The following PGAP1 variants were observed in gnomAD, a reference collection of about 807,000 sequenced individuals.
PGAP1 encodes GPI inositol-deacylase.
Under a neutral mutation model 127.0 loss-of-function variants are expected in PGAP1, and 76 were observed. The observed-to-expected ratio is 0.60, with a 90% CI of 0.50 to 0.72. PGAP1 has a LOEUF of 0.72. Among genes scored for constraint, PGAP1 ranks in the 30% least tolerant of loss-of-function variants. The probability of loss-of-function intolerance (pLI) is 0.00; values close to 1 mark genes in which losing one functional copy is unlikely to be tolerated. For missense variants in PGAP1, 982 were observed against 1,071.3 expected, an observed-to-expected ratio of 0.92 and a Z score of 1.16; for synonymous variants, 362 against 366.5, an observed-to-expected ratio of 0.99 and a Z score of 0.14.
intron 13 of PGAP1, 42 bp downstream of exon 13, chr2:196,880,034 G>T: frequency 7.2e-7 from 1 of 1,396,328 alleles, no homozygotes; most frequent in Non-Finnish European, 1.0e-6. Flanking sequence ...TTTAGCATGT[G>T]TCTCCAAAAC....
At chr2:196,916,906 A>T (rs1703027928) in intron 2 of PGAP1, among the ~76,000 whole-genome samples, 1 of 152,208 alleles carries the variant, frequency 6.6e-6, no homozygotes, top group African/African-American at 2.4e-5. Context: ...GAAGAATAAG[A>T]CATATAAATT....
In PGAP1 at chr2:196,846,021, G is replaced by A; in HGVS notation, c.2151-4C>T. 2.6e-6 allele frequency: 4 copies of A among 1,536,416 alleles called. No individual in the cohort carries two copies. The highest frequency in any genetic ancestry group is 1.8e-6 in the Non-Finnish European group (2 of 1,129,588). On this transcript the variant is annotated splice_polypyrimidine_tract_variant and splice_region_variant and intron_variant, in intron 22 of 26. Coordinates refer to ENST00000354764, the MANE Select transcript of PGAP1 (RefSeq NM_024989.4). ...ATCTTTAGGAAGTTCAGAGGGTCTG[G>A]AATTATAAGAATAAAGTTTAAAATA...
chr2:196,866,490 G>A (rs542288714), intron 19 of PGAP1, among the ~76,000 whole-genome samples: 19 of 152,012 alleles, frequency 1.2e-4, no homozygotes, highest in African/African-American at 3.6e-4. Context: ...ATTAAAGACC[G>A]AAAGTAAGAC....
chr2:196,889,681 C>A (rs1232864417), intron 10 of PGAP1, among the ~76,000 whole-genome samples: 2 of 86,014 alleles, frequency 2.3e-5, no homozygotes, highest in African/African-American at 4.5e-5. Flanking sequence ...ACGGTGAAAC[C>A]CTGTCTCTAC....
chr2:196,904,714 G>A (rs553363520), intron 4 of PGAP1, among the ~76,000 whole-genome samples: 64 of 152,034 alleles, frequency 4.2e-4, no homozygotes, highest in South Asian at 1.7e-3. Context: ...GCAACAGAGC[G>A]TGACTGTCTC....
intron 10 of PGAP1, among the ~76,000 whole-genome samples, chr2:196,889,215 T>C (rs1274312125): frequency 6.6e-6 from 1 of 152,176 alleles, no homozygotes; most frequent in Non-Finnish European, 1.5e-5. Context: ...TGAGAAAAGA[T>C]ACTTTAAGCT....
intron 20 of PGAP1, among the ~76,000 whole-genome samples, chr2:196,856,587 A>C (rs543722790): frequency 1.2e-3 from 178 of 152,324 alleles, no homozygotes; most frequent in African/African-American, 3.9e-3. Flanking sequence ...CATTTTAAGA[A>C]ATAAGCCTCA....
chr2:196,885,735 C>T, intron 11 of PGAP1, 99 bp downstream of exon 11: 2 of 726,502 alleles, frequency 2.8e-6, no homozygotes, highest in Non-Finnish European at 2.0e-6. Flanking sequence ...TTTCATATAG[C>T]ATCAAAATGA....
Position 196,925,670 on chromosome 2 carries a change from CTCTT to C in PGAP1, c.147+796_147+799del, listed in dbSNP as rs146524631. ...GGGTGGAGAGAGAAGGGTTGGCTCT[CTCTT>C]AAACTCCGAACCCAGCGAGAAAACA... On this transcript the variant is annotated intron_variant, in intron 1 of 26. Transcript: ENST00000354764. 4.2e-3 allele frequency among the ~76,000 whole-genome samples: 637 copies of C among 152,164 alleles called. 8 individuals carry two copies. The highest frequency in any genetic ancestry group is 0.014 in the African/African-American group (593 of 41,514).
chr2:196,887,427 G>A (rs2125814223), intron 10 of PGAP1, among the ~76,000 whole-genome samples: 1 of 152,192 alleles, frequency 6.6e-6, no homozygotes, highest in South Asian at 2.1e-4. Flanking sequence ...AACAAAAACA[G>A]CAGTGTGACC....
Position 196,843,878 on chromosome 2 carries a change from TA to T in PGAP1, c.2525+9del. The T allele has an allele frequency of 6.8e-7, 1 of 1,474,044 alleles. No homozygotes were observed. The highest frequency in any genetic ancestry group is 9.1e-7 in the Non-Finnish European group (1 of 1,094,482). The allele number at this position is 1,474,044 out of a possible 1,614,324, so 91.3% of individuals were successfully genotyped here. A position where few individuals can be genotyped will look rare whatever the true frequency, so the allele number is the denominator to read the frequency against. On this transcript the variant is annotated intron_variant, in intron 25 of 26. Transcript: ENST00000354764. ...ACCACATAAACAATAATTATATCAA[TA>T]AAACGCACCTAAGATTCTTTAGCCA...
At chr2:196,865,752 C>T (rs991386583) in intron 19 of PGAP1, among the ~76,000 whole-genome samples, 7 of 148,402 alleles carry the variant, frequency 4.7e-5, no homozygotes, top group Non-Finnish European at 8.9e-5. Flanking sequence ...ATAATCATTA[C>T]GTTATAGTGC....
In PGAP1 at chr2:196,841,366, CAATTTACTGTAAAGAGACAGAGAAAT is replaced by C. The variant is rs775222916; in HGVS notation, c.2631-20_2636del. The C allele has an allele frequency of 1.9e-6, 3 of 1,612,378 alleles. No homozygotes were observed. The highest frequency in any genetic ancestry group is 2.5e-6 in the Non-Finnish European group (3 of 1,179,032). Reference sequence around the variant, plus strand: ...GTGGAAATTGTGAAGTAGTCTTCAACAATTTACTGTAAAGAGACAGAGAAATATACATTACTTATGTGAACTACATT... The same window carrying C: ...GTGGAAATTGTGAAGTAGTCTTCAACATACATTACTTATGTGAACTACATT... On this transcript the variant is annotated splice_acceptor_variant and splice_polypyrimidine_tract_variant and coding_sequence_variant and intron_variant, in exon 27 of 27. Transcript: ENST00000354764. LOFTEE classifies it high-confidence loss of function.
rs369521087 is a variant in PGAP1, at chr2:196,847,813, GA to G, written c.1952+133del. The G allele has an allele frequency of 4.6e-3, 2,455 of 533,868 alleles. 28 individuals carry two copies. Among genetic ancestry groups the G allele is most frequent in the African/African-American group, 0.038 (1,862 of 48,880 alleles). 33.1% of individuals were successfully genotyped at this position (533,868 alleles called of 1,614,324 possible). A position where few individuals can be genotyped will look rare whatever the true frequency, so the allele number is the denominator to read the frequency against. On this transcript the variant is annotated intron_variant, in intron 21 of 26. Coordinates refer to ENST00000354764, the MANE Select transcript of PGAP1 (RefSeq NM_024989.4). The stretch of plus-strand genomic sequence containing the variant: ...ATACTTATTAGACCTTTGCCTAAGA[GA>G]AAAAAAAAACCTCATTTAATGAAAC...
intron 20 of PGAP1, among the ~76,000 whole-genome samples, chr2:196,855,633 A>C (rs576896037): frequency 6.6e-6 from 1 of 152,314 alleles, no homozygotes; most frequent in South Asian, 2.1e-4. Context: ...GATTTAAGGA[A>C]AATTTATCTC....
chr2:196,916,084 T>A (rs1350032657), intron 3 of PGAP1, among the ~76,000 whole-genome samples: 1 of 152,228 alleles, frequency 6.6e-6, no homozygotes. Context: ...GTTGTTTACA[T>A]ATGCAGGTGT....
chr2:196,890,897 T>C lies in PGAP1; in HGVS notation c.1104A>G (p.Ile368Met), dbSNP rs1185546733. ...TYVAYNESEK[I>M]YFTFPLENHR... Reference sequence around the variant, plus strand: ...GATTTTCAAGAGGAAATGTAAAATATATCTTCTCAGATTCCTACAAAAAGA... The same window carrying C: ...GATTTTCAAGAGGAAATGTAAAATACATCTTCTCAGATTCCTACAAAAAGA... The change falls in exon 10 of 27, where the codon ATA becomes ATG. Residue 368 changes from isoleucine (I) to methionine (M), a missense_variant. Physicochemically the swap from Ile to Met is conservative, Grantham distance 10. Transcript: ENST00000354764. The C allele has an allele frequency of 3.3e-6, 5 of 1,507,704 alleles. No individual in the cohort carries two copies. The highest frequency in any genetic ancestry group is 1.7e-5 in the Admixed American group (1 of 59,800). The allele number at this position is 1,507,704 out of a possible 1,614,324, so 93.4% of individuals were successfully genotyped here. A position where few individuals can be genotyped will look rare whatever the true frequency, so the allele number is the denominator to read the frequency against.
At chr2:196,845,750 T>C in intron 23 of PGAP1, 132 bp downstream of exon 23, 1 of 608,626 alleles carries the variant, frequency 1.6e-6, no homozygotes. Flanking sequence ...ACTAATTACA[T>C]TCAAACCCGT....
chr2:196,919,191 C>A (rs1703105713), intron 2 of PGAP1, among the ~76,000 whole-genome samples: 1 of 152,082 alleles, frequency 6.6e-6, no homozygotes, highest in Non-Finnish European at 1.5e-5. Context: ...TAGCTTTTAA[C>A]ATTACTGACA....
Sources: gnomAD v4.1 joint callset for allele counts (sites outside exome capture counted in the v4.1 genomes callset) on GRCh38, gnomAD v4.1.1 for gene constraint, MANE v1.5 for transcripts, NCBI Gene and HGNC (gene_info 2026-07-23, HGNC 2026-07-21) for gene names.